Variants in UPP2 observed in about 807,000 individuals in gnomAD.
The protein encoded by UPP2 is UPase 2.
In UPP2, 23 loss-of-function variants were observed where a neutral mutation model predicts 26.7. The observed-to-expected ratio is 0.86, with a 90% CI of 0.62 to 1.22. The LOEUF (loss-of-function observed/expected upper bound fraction) is 1.22, where lower values mean the gene tolerates loss of function less well. UPP2 is among the 50% of genes most tolerant of loss of function. The pLI is 0.00. For synonymous variants in UPP2, 127 were observed against 141.3 expected, an observed-to-expected ratio of 0.90 and a Z score of 0.72; for missense variants, 387 against 396.7, an observed-to-expected ratio of 0.98 and a Z score of 0.21.
chr2:158,009,248 A>G (rs765899056), intron 2 of UPP2, among the ~76,000 whole-genome samples: 8 of 152,190 alleles, frequency 5.3e-5, no homozygotes, highest in Non-Finnish European at 1.2e-4. Flanking sequence ...TACATTCTGA[A>G]TTACTTGAAT....
intron 3 of UPP2, among the ~76,000 whole-genome samples, chr2:158,063,608 T>A (rs1345515747): frequency 6.6e-6 from 1 of 152,084 alleles, no homozygotes; most frequent in Non-Finnish European, 1.5e-5. Flanking sequence ...TTTCTTTTTT[T>A]TTTTTATACT....
chr2:158,117,672 A>C, intron 3 of UPP2, 152 bp from the exon 4 acceptor site: 1 of 635,510 alleles, frequency 1.6e-6, no homozygotes, highest in East Asian at 2.7e-5. Flanking sequence ...GGTGCCAATT[A>C]GGGAGGACTT....
At chr2:158,090,232 G>A (rs1027960225) in intron 3 of UPP2, among the ~76,000 whole-genome samples, 18 of 152,326 alleles carry the variant, frequency 1.2e-4, no homozygotes, top group African/African-American at 4.1e-4. Context: ...GCCGGGCACA[G>A]TGGCTCACTC....
At chr2:158,134,347 G>A (rs559435840) in intron 6 of UPP2, among the ~76,000 whole-genome samples, 6 of 152,296 alleles carry the variant, frequency 3.9e-5, no homozygotes, top group African/African-American at 1.4e-4. Flanking sequence ...GTCACCTTGG[G>A]AATTACGGCT....
intron 3 of UPP2, among the ~76,000 whole-genome samples, chr2:158,082,043 G>A (rs190837226): frequency 0.012 from 1,773 of 151,964 alleles, 13 homozygotes; most frequent in Non-Finnish European, 0.015. Flanking sequence ...CACCTCCTGG[G>A]TTCAAGCAAT....
At chr2:158,081,410 G>A (rs1239795451) in intron 3 of UPP2, among the ~76,000 whole-genome samples, 1 of 152,066 alleles carries the variant, frequency 6.6e-6, no homozygotes, top group Non-Finnish European at 1.5e-5. Flanking sequence ...TAGCATGATA[G>A]TTCCTCAAAA....
At chr2:158,074,831 T>C (rs1204306156) in intron 3 of UPP2, among the ~76,000 whole-genome samples, 1 of 137,718 alleles carries the variant, frequency 7.3e-6, no homozygotes, top group Non-Finnish European at 1.5e-5. Flanking sequence ...CTGAGAGAAT[T>C]TTTTTTTTTT....
At chr2:158,132,918 T>C (rs7609063) in intron 6 of UPP2, among the ~76,000 whole-genome samples, 16,138 of 152,224 alleles carry the variant, frequency 0.11, 1,195 homozygotes, top group African/African-American at 0.21. Flanking sequence ...TTGAATACTG[T>C]TGATGGGAAT....
chr2:158,104,999 G>A (rs1388831322), intron 1 of UPP2, among the ~76,000 whole-genome samples: 627 of 3,558 alleles, frequency 0.18, 15 homozygotes, highest in East Asian at 0.31. Flanking sequence ...AGGGAAGGGA[G>A]GGGAGGGGAG....
chr2:158,024,962 G>A (rs544767791), intron 3 of UPP2, among the ~76,000 whole-genome samples: 2 of 152,298 alleles, frequency 1.3e-5, no homozygotes, highest in Admixed American at 1.3e-4. Flanking sequence ...AGCATTTTGG[G>A]AGGCCAAGGC....
At position 158,134,871 on chromosome 2, in the gene UPP2, G is replaced by C; in HGVS notation, c.935G>C (p.Arg312Pro). The C allele has an allele frequency of 1.2e-6, 2 of 1,613,254 alleles. No homozygotes were observed. The highest frequency in any genetic ancestry group is 1.7e-6 in the Non-Finnish European group (2 of 1,179,570). ...QLLISNFIRR[R>P]LGLCD Reference sequence around the variant, plus strand: ...CTAATCTCCAACTTCATCAGACGGCGGCTTGGACTTTGTGACTAGACGTCC... The same window carrying C: ...CTAATCTCCAACTTCATCAGACGGCCGCTTGGACTTTGTGACTAGACGTCC... The change falls in exon 7 of 7, where the codon CGG (arginine) becomes CCG (proline). Residue 312 changes from arginine to proline, a missense_variant. Arg to Pro is a moderately radical substitution (Grantham distance 103, BLOSUM62 -2). Transcript: ENST00000005756.
intron 2 of UPP2, among the ~76,000 whole-genome samples, chr2:158,000,495 C>A (rs933444221): frequency 6.6e-6 from 1 of 152,232 alleles, no homozygotes; most frequent in Non-Finnish European, 1.5e-5. Flanking sequence ...CTCACTGTTG[C>A]TCTTCCTCCA....
intron 2 of UPP2, among the ~76,000 whole-genome samples, chr2:158,009,449 A>G (rs1239377661): frequency 6.6e-6 from 1 of 152,210 alleles, no homozygotes; most frequent in East Asian, 1.9e-4. Flanking sequence ...AGCCAAACAT[A>G]ATGATTTTAC....
chr2:158,048,728 A>C (rs191730104), intron 3 of UPP2, among the ~76,000 whole-genome samples: 3 of 152,356 alleles, frequency 2.0e-5, no homozygotes, highest in Non-Finnish European at 4.4e-5. Flanking sequence ...AAGAGTATTA[A>C]AAAATTGTAA....
chr2:158,068,470 C>A (rs1235488657), intron 3 of UPP2, among the ~76,000 whole-genome samples: 3 of 151,970 alleles, frequency 2.0e-5, no homozygotes, highest in Admixed American at 6.6e-5. Flanking sequence ...AGCCCAAATT[C>A]AAAGCAAATG....
chr2:158,009,909 T>C (rs1008756826), intron 2 of UPP2, among the ~76,000 whole-genome samples: 1 of 152,234 alleles, frequency 6.6e-6, no homozygotes, highest in Non-Finnish European at 1.5e-5. Flanking sequence ...AAAACGTGGC[T>C]ACCTTACATT....
At position 158,135,945 on chromosome 2, in the gene UPP2, A is replaced by G. The variant is rs1156768099; in HGVS notation, c.*1055A>G. The G allele has an allele frequency of 6.6e-6, 1 of 152,198 alleles. No individual in the cohort carries two copies. Among genetic ancestry groups the G allele is most frequent in the Non-Finnish European group, 1.5e-5 (1 of 68,044 alleles). The allele number at this position is 152,198 out of a possible 1,614,324, so 9.4% of individuals were successfully genotyped here. A position where few individuals can be genotyped will look rare whatever the true frequency, so the allele number is the denominator to read the frequency against. On this transcript the variant is annotated 3_prime_UTR_variant, in exon 7 of 7. Transcript: ENST00000005756. ...ATATTATTTATATGGTTGTGGCTCA[A>G]ATAAAGTTTAATTCCAACACAGTAC... is the stretch of plus-strand genomic sequence containing the variant.
At chr2:158,098,955 CA>C (rs201288257), upstream of UPP2, among the ~76,000 whole-genome samples, 90 of 152,250 alleles carry the variant, frequency 5.9e-4, 2 homozygotes, top group East Asian at 0.015. Context: ...CCCTTTTATA[CA>C]AAGGTTTTGA....
At position 158,115,320 on chromosome 2, in the gene UPP2, T is replaced by G. The variant is rs1465151706; in HGVS notation, c.339+61T>G. 2.0e-6 allele frequency: 3 copies of G among 1,505,652 alleles called. No individual in the cohort carries two copies. The African/African-American group carries it at 4.2e-5, about 21-fold the overall frequency. The allele number at this position is 1,505,652 out of a possible 1,614,324, so 93.3% of individuals were successfully genotyped here. On this transcript the variant is annotated intron_variant, in intron 3 of 6. Coordinates refer to ENST00000005756, the MANE Select transcript of UPP2 (RefSeq NM_173355.4). The stretch of plus-strand genomic sequence containing the variant: ...CAGGCTAGAGAAAAAAGTGGGAACT[T>G]TTACATGTAGGAGTTCTTTTTCCCT...
Sources: allele counts gnomAD v4.1 joint callset (sites outside exome capture counted in the v4.1 genomes callset), GRCh38; gene constraint gnomAD v4.1.1; transcripts MANE v1.5; gene names NCBI Gene and HGNC (gene_info 2026-07-23, HGNC 2026-07-21).